Variants in CAMK4 observed in about 807,000 individuals in gnomAD.
The protein encoded by CAMK4 is calcium/calmodulin-dependent protein kinase type IV.
In CAMK4, 22 loss-of-function variants were observed where a neutral mutation model predicts 44.9. The ratio of observed to expected loss-of-function variants is 0.49; its 90% CI spans 0.35 to 0.70. The LOEUF (loss-of-function observed/expected upper bound fraction) is 0.70. CAMK4 is among the 30% of genes least tolerant of loss of function. The pLI is 0.01. For missense variants in CAMK4, 498 were observed against 586.8 expected (o/e 0.85, Z 1.56); for synonymous variants, 218 against 215.4 (o/e 1.01, Z -0.11).
chr5:111,343,920 T>C, intron 1 of CAMK4, 104 bp from the exon 2 acceptor site: 1 of 670,454 alleles, frequency 1.5e-6, no homozygotes, highest in East Asian at 2.7e-5. Context: ...TAATAAGCAC[T>C]TGTCAGTTAT....
chr5:111,256,047 A>G (rs773540297), intron 1 of CAMK4, among the ~76,000 whole-genome samples: 1 of 152,208 alleles, frequency 6.6e-6, no homozygotes, highest in Non-Finnish European at 1.5e-5. Flanking sequence ...ACAGAATTCA[A>G]CTGGATATCT....
At position 111,493,022 on chromosome 5, in the gene CAMK4, A is replaced by G. The variant is rs959987385; in HGVS notation, c.*8556A>G. 6 of 152,174 alleles carry G rather than the reference A, an allele frequency of 3.9e-5. No individual in the cohort carries two copies. The highest frequency in any genetic ancestry group is 1.4e-4 in the African/African-American group (6 of 41,430). The allele number at this position is 152,174 out of a possible 1,614,324, so 9.4% of individuals were successfully genotyped here. On this transcript the variant is annotated 3_prime_UTR_variant, in exon 11 of 11. Coordinates refer to ENST00000282356, the MANE Select transcript of CAMK4 (RefSeq NM_001744.6). The surrounding 1 kb of genome is among the most constrained non-coding windows in gnomAD (Gnocchi z 4.1). ...TGGCTGAGAACCGGCCTGATCATAG[A>G]GTGGAAAAATGAAAGGCAGAGGTGA... is the stretch of plus-strand genomic sequence containing the variant.
At chr5:111,425,059 A>G (rs1278178235) in intron 5 of CAMK4, among the ~76,000 whole-genome samples, 1 of 151,266 alleles carries the variant, frequency 6.6e-6, no homozygotes, top group Non-Finnish European at 1.5e-5. Flanking sequence ...GCTACTTGGG[A>G]GACTGAGGTG....
intron 2 of CAMK4, among the ~76,000 whole-genome samples, chr5:111,356,620 G>A (rs1750368163): frequency 6.6e-6 from 1 of 152,166 alleles, no homozygotes; most frequent in African/African-American, 2.4e-5. Flanking sequence ...TTTCTTCTAG[G>A]GTTTTTATGG....
intron 7 of CAMK4, among the ~76,000 whole-genome samples, chr5:111,467,680 A>G (rs1262009371): frequency 6.6e-6 from 1 of 152,208 alleles, no homozygotes; most frequent in African/African-American, 2.4e-5. Flanking sequence ...AAGAATGGCT[A>G]TAATCAAAAA....
chr5:111,359,911 A>G (rs1030891045), intron 2 of CAMK4, among the ~76,000 whole-genome samples: 1 of 152,098 alleles, frequency 6.6e-6, no homozygotes, highest in African/African-American at 2.4e-5. Context: ...ATAAAGTACT[A>G]TAAACTGTAT....
intron 7 of CAMK4, among the ~76,000 whole-genome samples, chr5:111,458,530 A>T (rs1162177937): frequency 1.3e-5 from 2 of 152,160 alleles, no homozygotes; most frequent in African/African-American, 4.8e-5. Context: ...AGCAGTAAAA[A>T]CCAGACCAAA....
At chr5:111,281,471 T>G (rs573031159) in intron 1 of CAMK4, among the ~76,000 whole-genome samples, 52 of 152,344 alleles carry the variant, frequency 3.4e-4, no homozygotes, top group South Asian at 1.5e-3. Flanking sequence ...TACATAGTCT[T>G]TGTTTCCATG....
intron 7 of CAMK4, among the ~76,000 whole-genome samples, chr5:111,454,111 A>T (rs549943543): frequency 1.7e-4 from 26 of 152,306 alleles, no homozygotes; most frequent in African/African-American, 6.3e-4. Context: ...GAAAAATTTA[A>T]AATATTTACA....
intron 1 of CAMK4, among the ~76,000 whole-genome samples, chr5:111,324,477 G>A (rs947306665): frequency 1.3e-5 from 2 of 152,012 alleles, no homozygotes; most frequent in Non-Finnish European, 2.9e-5. Context: ...TGCCAGAAAT[G>A]AAGGGGCATT....
chr5:111,435,877 A>G (rs1334944796), intron 5 of CAMK4, among the ~76,000 whole-genome samples: 1 of 152,164 alleles, frequency 6.6e-6, no homozygotes, highest in Non-Finnish European at 1.5e-5. Context: ...CTTAATCTCA[A>G]CATCTTCTCA....
intron 5 of CAMK4, among the ~76,000 whole-genome samples, chr5:111,395,117 A>G (rs1049793805): frequency 1.3e-5 from 2 of 151,342 alleles, no homozygotes; most frequent in African/African-American, 4.9e-5. Flanking sequence ...GCTGAAGCAC[A>G]AGAATTGCTT....
Position 111,351,060 on chromosome 5 carries a change from G to C in CAMK4, c.240+6958G>C, listed in dbSNP as rs114664049. Among the ~76,000 whole-genome samples, 664 of 152,202 alleles carry C rather than the reference G, an allele frequency of 4.4e-3. 2 individuals are homozygous for C. The highest frequency in any genetic ancestry group is 0.014 in the Middle Eastern group (4 of 294). On this transcript the variant is annotated intron_variant, in intron 2 of 10. Coordinates refer to ENST00000282356, the MANE Select transcript of CAMK4 (RefSeq NM_001744.6). ...CCATTTATACCACTGGGTAAACTGA[G>C]GATTACTTGAAGTTTTATATATTTT... is the stretch of plus-strand genomic sequence containing the variant.
chr5:111,437,357 C>A (rs1753681747), intron 5 of CAMK4, among the ~76,000 whole-genome samples: 1 of 152,176 alleles, frequency 6.6e-6, no homozygotes, highest in Admixed American at 6.5e-5. Context: ...AAAAGTAGAA[C>A]AATATGTGCA....
At chr5:111,243,688 T>A (rs1398833049) in intron 1 of CAMK4, among the ~76,000 whole-genome samples, 1 of 152,188 alleles carries the variant, frequency 6.6e-6, no homozygotes. Context: ...TTCTGAAGCC[T>A]ATTGAGAGGA....
chr5:111,279,945 C>T lies in CAMK4; in HGVS notation c.161+55301C>T, dbSNP rs185778756. On this transcript the variant is annotated intron_variant, in intron 1 of 10. Coordinates refer to ENST00000282356, the MANE Select transcript of CAMK4 (RefSeq NM_001744.6). ...TCATTCCTGATGAGCTTTCATTGGG[C>T]GAATTGAGGGACATGGTCATTTGGA... Among the ~76,000 whole-genome samples the T allele has an allele frequency of 1.5e-3, 226 of 152,168 alleles. 1 individual carries two copies. Among genetic ancestry groups the T allele is most frequent in the African/African-American group, 4.6e-3 (193 of 41,526 alleles).
chr5:111,449,129 C>A lies in CAMK4; in HGVS notation c.551C>A (p.Ala184Asp). The change falls in exon 7 of 11, where the codon GCT becomes GAT. Residue 184 changes from alanine (A) to aspartate (D), a missense_variant and splice_region_variant. By Grantham distance (126) the Ala-to-Asp change is moderately radical (BLOSUM62 -2). This residue lies in a region of CAMK4 where 203 missense variants were observed against 298.2 expected (regional missense o/e 0.68). Transcript: ENST00000282356. ...TPAPDAPLKIADFGLSKIVEH... is the reference protein window; with the variant it reads ...TPAPDAPLKIDDFGLSKIVEH... ...TTAAATTTTTTTCTTGTGTTATTAG[C>A]TGATTTTGGACTCTCTAAAATTGTG... 1.3e-6 allele frequency: 2 copies of A among 1,482,810 alleles called. No homozygotes were observed. The highest frequency in any genetic ancestry group is 1.9e-6 in the Non-Finnish European group (2 of 1,067,780). 91.9% of individuals were successfully genotyped at this position (1,482,810 alleles called of 1,614,324 possible). A position where few individuals can be genotyped will look rare whatever the true frequency, so the allele number is the denominator to read the frequency against.
chr5:111,458,510 G>T (rs1017053019), intron 7 of CAMK4, among the ~76,000 whole-genome samples: 1 of 152,132 alleles, frequency 6.6e-6, no homozygotes, highest in African/African-American at 2.4e-5. Context: ...GTTGTATGTT[G>T]TAAAGACATA....
chr5:111,235,862 A>T (rs1748688575), intron 1 of CAMK4, among the ~76,000 whole-genome samples: 18 of 152,030 alleles, frequency 1.2e-4, no homozygotes, highest in Admixed American at 1.2e-3. Flanking sequence ...CTCTAAGGGG[A>T]GAGGTGGGTG....
Sources: gnomAD v4.1 joint callset for allele counts (sites outside exome capture counted in the v4.1 genomes callset) on GRCh38, gnomAD v4.1.1 for gene constraint, gnomAD v4.1.1 regional missense constraint, Gnocchi (gnomAD v3.1) non-coding constraint, MANE v1.5 for transcripts, NCBI Gene and HGNC (gene_info 2026-07-23, HGNC 2026-07-21) for gene names.